Variants in ASB3 observed in about 807,000 individuals in gnomAD.
ASB3 encodes ankyrin repeat and SOCS box protein 3.
In ASB3, 41 loss-of-function variants were observed where a neutral mutation model predicts 54.5. The observed-to-expected ratio is 0.75, with a 90% CI of 0.59 to 0.98. The LOEUF (loss-of-function observed/expected upper bound fraction) is 0.98, where lower values mean the gene tolerates loss of function less well. Ranked by LOEUF, ASB3 falls within the 50% of genes least tolerant of loss-of-function variation. ASB3 has a pLI of 0.00. For missense variants in ASB3, 733 were observed against 620.0 expected (o/e 1.18, Z -1.94); for synonymous variants, 266 against 221.2 (o/e 1.20, Z -1.80).
intron 2 of ASB3, among the ~76,000 whole-genome samples, chr2:53,756,619 C>T (rs1672841886): frequency 6.6e-6 from 1 of 152,040 alleles, no homozygotes; most frequent in African/African-American, 2.4e-5. Context: ...CCTTCAAGGA[C>T]CTAAAAGAAA....
chr2:53,749,284 G>A (rs539170172), intron 3 of ASB3, among the ~76,000 whole-genome samples: 1 of 152,126 alleles, frequency 6.6e-6, no homozygotes, highest in Admixed American at 6.5e-5. Flanking sequence ...TTACTAAGAT[G>A]TAAGGGAGAA....
intron 5 of ASB3, among the ~76,000 whole-genome samples, chr2:53,717,702 C>G (rs1453078520): frequency 6.6e-6 from 1 of 152,010 alleles, no homozygotes; most frequent in East Asian, 1.9e-4. Context: ...CAAATGGAAA[C>G]TCAGAAATGA....
intron 9 of ASB3, among the ~76,000 whole-genome samples, chr2:53,680,333 C>T (rs575846438): frequency 1.3e-5 from 2 of 152,176 alleles, no homozygotes; most frequent in Admixed American, 6.5e-5. Flanking sequence ...GTCTTCCCAA[C>T]GGTTGAAGTA....
intron 3 of ASB3, among the ~76,000 whole-genome samples, chr2:53,740,802 A>C (rs1357594894): frequency 6.6e-6 from 1 of 152,240 alleles, no homozygotes; most frequent in African/African-American, 2.4e-5. Context: ...TAGACATCAG[A>C]GACCATATCC....
Position 53,700,339 on chromosome 2 carries a change from T to A in ASB3, c.1170A>T (p.Lys390Asn). 2 of 1,614,150 alleles carry A rather than the reference T, an allele frequency of 1.2e-6. No individual in the cohort carries two copies. The highest frequency in any genetic ancestry group is 2.7e-5 in the African/African-American group (2 of 75,064). The change falls in exon 8 of 10, where the codon AAA becomes AAT. Residue 390 changes from lysine (K) to asparagine (N), a missense_variant. Transcript: ENST00000263634. Reference sequence around the variant, plus strand: ...GAAGATGTGGCAACCACTCCTTATATTTTGCTTGTGCTTTAATTGCATGAT... The same window carrying A: ...GAAGATGTGGCAACCACTCCTTATAATTTGCTTGTGCTTTAATTGCATGAT... ...FVNHAIKAQA[K>N]YKEWLPHLLV...
intron 3 of ASB3, among the ~76,000 whole-genome samples, chr2:53,735,283 A>G (rs1246095256): frequency 1.3e-5 from 2 of 152,148 alleles, no homozygotes; most frequent in Non-Finnish European, 2.9e-5. Context: ...ATTCATCTCT[A>G]GGCGAATGAT....
At chr2:53,732,339 A>G (rs1671367154) in intron 3 of ASB3, among the ~76,000 whole-genome samples, 1 of 152,246 alleles carries the variant, frequency 6.6e-6, no homozygotes, top group Non-Finnish European at 1.5e-5. Context: ...CCATATTAAA[A>G]AAAAGCCTGA....
chr2:53,703,609 G>C (rs1669609100), intron 7 of ASB3, among the ~76,000 whole-genome samples: 2 of 152,092 alleles, frequency 1.3e-5, no homozygotes, highest in South Asian at 2.1e-4. Context: ...AAAACAACAA[G>C]AATAAAGAAA....
At position 53,756,575 on chromosome 2, in the gene ASB3, T is replaced by G. The variant is rs548872339; in HGVS notation, c.197-5634A>C. Among the ~76,000 whole-genome samples the G allele has an allele frequency of 4.6e-4, 70 of 152,244 alleles. 3 individuals are homozygous for G. In the South Asian group the frequency reaches 0.014, roughly 30 times the overall value. ...AATCAGCAGACTGAATAAACAAGAC[T>G]TGCCCTCACCAATGTGGGCAGGCAT... On this transcript the variant is annotated intron_variant, in intron 2 of 9. Transcript: ENST00000263634.
chr2:53,706,309 A>G (rs577976420), intron 7 of ASB3, among the ~76,000 whole-genome samples: 1 of 152,248 alleles, frequency 6.6e-6, no homozygotes, highest in Non-Finnish European at 1.5e-5. Flanking sequence ...TCATTAATTC[A>G]CAAATATATT....
At chr2:53,724,555 T>C in intron 5 of ASB3, among the ~76,000 whole-genome samples, 1 of 150,546 alleles carries the variant, frequency 6.6e-6, no homozygotes, top group Admixed American at 6.7e-5. Flanking sequence ...GCAGAGATAG[T>C]GCCACTGTAC....
At chr2:53,705,190 C>T (rs1376955180) in intron 7 of ASB3, among the ~76,000 whole-genome samples, 1 of 152,106 alleles carries the variant, frequency 6.6e-6, no homozygotes, top group African/African-American at 2.4e-5. Flanking sequence ...GAGGTTTTGA[C>T]TTTATTTTTA....
intron 5 of ASB3, among the ~76,000 whole-genome samples, 180 bp from the exon 6 acceptor site, chr2:53,716,923 A>C (rs1040545534): frequency 7.2e-5 from 11 of 152,272 alleles, no homozygotes; most frequent in African/African-American, 2.6e-4. Flanking sequence ...AATCATTTAA[A>C]TTGTCTTCGC....
chr2:53,761,434 A>G (rs1246993721), intron 2 of ASB3, among the ~76,000 whole-genome samples: 1 of 152,014 alleles, frequency 6.6e-6, no homozygotes, highest in Non-Finnish European at 1.5e-5. Flanking sequence ...TGAAAAAAAA[A>G]AGGCAGAAGG....
At chr2:53,684,461 C>T (rs185561986) in intron 9 of ASB3, among the ~76,000 whole-genome samples, 75 of 152,252 alleles carry the variant, frequency 4.9e-4, no homozygotes, top group African/African-American at 1.6e-3. Flanking sequence ...TCGATTTAGA[C>T]GAACAGTTTT....
Position 53,716,587 on chromosome 2 carries a change from G to A in ASB3, c.761C>T (p.Ala254Val), listed in dbSNP as rs1558535331. 6.2e-7 allele frequency: 1 copy of A among 1,613,250 alleles called. No individual in the cohort carries two copies. The highest frequency in any genetic ancestry group is 8.5e-7 in the Non-Finnish European group (1 of 1,179,546). ...EDSWQLPIHA[A>V]AQMGHTKILD... ...TTACTTTGTATGGCCCATTTGTGCA[G>A]CTGCATGAATAGGTAACTGCCAACT... is the stretch of plus-strand genomic sequence containing the variant. Residue 254 changes from alanine (A) to valine (V), a missense_variant, in exon 6 of 10, where the codon GCT becomes GTT. Physicochemically the swap from Ala to Val is moderately conservative, Grantham distance 64. Coordinates refer to ENST00000263634, the MANE Select transcript of ASB3 (RefSeq NM_016115.5).
intron 3 of ASB3, among the ~76,000 whole-genome samples, chr2:53,737,726 A>G (rs970609045): frequency 2.5e-5 from 3 of 120,250 alleles, no homozygotes; most frequent in Non-Finnish European, 6.1e-5. Flanking sequence ...TAAAAAAGGA[A>G]AAAAAAAAAA....
intron 6 of ASB3, 150 bp downstream of exon 6, chr2:53,716,416 G>A (rs143218554): frequency 1.9e-3 from 1,768 of 910,610 alleles, no homozygotes; most frequent in Non-Finnish European, 2.6e-3. Context: ...CAGCATGAAG[G>A]ACAGATTAGG....
intron 5 of ASB3, among the ~76,000 whole-genome samples, chr2:53,721,027 G>C (rs187433656): frequency 4.0e-5 from 6 of 151,748 alleles, no homozygotes; most frequent in Non-Finnish European, 7.4e-5. Flanking sequence ...GCTGAGGCAG[G>C]AGAATTGCTT....
Sources: allele counts gnomAD v4.1 joint callset (sites outside exome capture counted in the v4.1 genomes callset), GRCh38; gene constraint gnomAD v4.1.1; transcripts MANE v1.5; gene names NCBI Gene and HGNC (gene_info 2026-07-23, HGNC 2026-07-21).